TMEM200A: variants seen among roughly 807,000 people sequenced by gnomAD.
TMEM200A encodes the protein transmembrane protein 200A.
TMEM200A carries 12 observed loss-of-function variants against 24.3 expected under a neutral mutation model. That is an observed-to-expected ratio of 0.49 (90% CI 0.32 to 0.80). TMEM200A has a LOEUF of 0.80. Among genes scored for constraint, TMEM200A ranks in the 30% least tolerant of loss-of-function variants. The pLI, the probability that TMEM200A is intolerant of heterozygous loss-of-function variation, is 0.04. For synonymous variants in TMEM200A, 224 were observed against 224.4 expected (o/e 1.00, Z 0.02); for missense variants, 545 against 614.4 (o/e 0.89, Z 1.19).
intron 2 of TMEM200A, among the ~76,000 whole-genome samples, chr6:130,391,204 G>A (rs561739248): frequency 6.6e-6 from 1 of 152,274 alleles, no homozygotes; most frequent in African/African-American, 2.4e-5. Flanking sequence ...AATAAATGTG[G>A]AAAGAGAAAA....
At chr6:130,374,655 C>A (rs1232269921) in intron 1 of TMEM200A, among the ~76,000 whole-genome samples, 1 of 152,052 alleles carries the variant, frequency 6.6e-6, no homozygotes, top group African/African-American at 2.4e-5. Flanking sequence ...AACTCCTGAC[C>A]TCAGGTAATC....
chr6:130,422,368 A>G (rs752596732), intron 2 of TMEM200A, among the ~76,000 whole-genome samples: 34 of 152,144 alleles, frequency 2.2e-4, no homozygotes, highest in Non-Finnish European at 3.7e-4. Context: ...TCCGGGGTTC[A>G]AGTGATTCTA....
In TMEM200A at chr6:130,440,476, C is replaced by T. The variant is rs139871677; in HGVS notation, c.54C>T (p.Asp18=). ...GCCTGGCCGCCTTGAAAAGGCAAGA[C>T]TCTGCCAGATCACAGCAGCATGTCA... ...ITGLAALKRQ[D]SARSQQHVNL... is the part of the protein sequence containing the mutation. Residue 18 remains aspartate (D), a synonymous_variant, in exon 3 of 3, where the codon GAC becomes GAT. Transcript: ENST00000296978. The T allele has an allele frequency of 8.1e-6, 13 of 1,611,740 alleles. No homozygotes were observed. The highest frequency in any genetic ancestry group is 1.3e-5 in the African/African-American group (1 of 74,784).
intron 2 of TMEM200A, among the ~76,000 whole-genome samples, chr6:130,432,542 C>T (rs1283267737): frequency 6.6e-6 from 1 of 152,192 alleles, no homozygotes; most frequent in Non-Finnish European, 1.5e-5. Flanking sequence ...AACAAACTTG[C>T]AGTCATAACT....
chr6:130,423,509 G>A (rs1779653281), intron 2 of TMEM200A, among the ~76,000 whole-genome samples: 1 of 152,040 alleles, frequency 6.6e-6, no homozygotes, highest in Non-Finnish European at 1.5e-5. Context: ...AAAAGTACAT[G>A]TTGCCGAATT....
At chr6:130,394,427 G>T (rs910114524) in intron 2 of TMEM200A, among the ~76,000 whole-genome samples, 17 of 152,256 alleles carry the variant, frequency 1.1e-4, no homozygotes, top group African/African-American at 4.1e-4. Context: ...GAGTGGCAGG[G>T]GTGGCAGAGC....
intron 1 of TMEM200A, among the ~76,000 whole-genome samples, chr6:130,368,775 T>C (rs1363226871): frequency 6.6e-6 from 1 of 152,182 alleles, no homozygotes; most frequent in Non-Finnish European, 1.5e-5. Flanking sequence ...CAGTGCAGAC[T>C]GGGAAGCAGC....
At chr6:130,400,115 C>A (rs550409050) in intron 2 of TMEM200A, among the ~76,000 whole-genome samples, 2 of 151,818 alleles carry the variant, frequency 1.3e-5, no homozygotes, top group African/African-American at 4.8e-5. Context: ...TATACACACA[C>A]ACACACACCA....
chr6:130,394,422 G>T (rs1235416707), intron 2 of TMEM200A, among the ~76,000 whole-genome samples: 1 of 152,178 alleles, frequency 6.6e-6, no homozygotes, highest in South Asian at 2.1e-4. Context: ...ACTCAGAGTG[G>T]CAGGGGTGGC....
At chr6:130,393,387 G>A (rs1778881230) in intron 2 of TMEM200A, among the ~76,000 whole-genome samples, 1 of 152,118 alleles carries the variant, frequency 6.6e-6, no homozygotes, top group East Asian at 1.9e-4. Flanking sequence ...TATGGCAATA[G>A]AAAATGAAGT....
chr6:130,437,508 G>C (rs1240126989), intron 2 of TMEM200A: 1 of 152,126 alleles, frequency 6.6e-6, no homozygotes, highest in Non-Finnish European at 1.5e-5. Context: ...GCCTTCTGTA[G>C]TATTGAATTG....
chr6:130,441,554 G>T lies in TMEM200A; in HGVS notation c.1132G>T (p.Ala378Ser). ...GAGQLLSPGA[A>S]RRQFGSNTSL... ...TGGACAGCTCTTGTCTCCTGGGGCT[G>T]CCAGAAGACAGTTTGGGTCCAATAC... is the stretch of plus-strand genomic sequence containing the variant. Residue 378 changes from alanine (A) to serine (S), a missense_variant, in exon 3 of 3, where the codon GCC becomes TCC. Physicochemically the swap from Ala to Ser is moderately conservative, Grantham distance 99 (BLOSUM62 1). Transcript: ENST00000296978. 1 of 1,613,998 alleles carries T rather than the reference G, an allele frequency of 6.2e-7. No homozygotes were observed.
intron 2 of TMEM200A, among the ~76,000 whole-genome samples, chr6:130,421,886 A>AATG (rs1405886094): frequency 6.6e-6 from 1 of 152,096 alleles, no homozygotes; most frequent in Non-Finnish European, 1.5e-5. Flanking sequence ...AAAGCTAAGT[A>AATG]ATGTTTTATT....
upstream of TMEM200A, chr6:130,365,760 AT>A: frequency 1.0e-6 from 1 of 985,460 alleles, no homozygotes; most frequent in Non-Finnish European, 1.2e-6. Context: ...TCTGCGGGTG[AT>A]TTGGGCTCTC....
chr6:130,405,410 T>G lies in TMEM200A; in HGVS notation c.-17+20174T>G, dbSNP rs184479839. ...GTATTCCTGGGTATTTTATTTTTTT[T>G]TGTGGCAACTATGAATGGAAATTCA... On this transcript the variant is annotated intron_variant, in intron 2 of 2. Coordinates refer to ENST00000296978, the MANE Select transcript of TMEM200A (RefSeq NM_001258277.2). 1.2e-4 allele frequency among the ~76,000 whole-genome samples: 18 copies of G among 152,312 alleles called. No individual in the cohort carries two copies. The East Asian group carries it at 2.1e-3, about 18-fold the overall frequency.
chr6:130,386,588 G>A (rs990671583), intron 2 of TMEM200A, among the ~76,000 whole-genome samples: 22 of 152,280 alleles, frequency 1.4e-4, no homozygotes, highest in Admixed American at 1.4e-3. Context: ...CCACATGGAT[G>A]CAAAATTGTT....
intron 1 of TMEM200A, among the ~76,000 whole-genome samples, chr6:130,376,520 C>G (rs1400355122): frequency 6.6e-6 from 1 of 152,124 alleles, no homozygotes; most frequent in African/African-American, 2.4e-5. Context: ...TGATCTCACA[C>G]AATCCATCTG....
intron 1 of TMEM200A, among the ~76,000 whole-genome samples, chr6:130,380,351 G>A (rs1483796113): frequency 6.6e-6 from 1 of 152,094 alleles, no homozygotes; most frequent in Non-Finnish European, 1.5e-5. Context: ...GCATCTGCAG[G>A]CTTACTGCTA....
In TMEM200A at chr6:130,441,278, A is replaced by G. The variant is rs1341351281; in HGVS notation, c.856A>G (p.Ser286Gly). ...CAAGTCAATTGTGTCATCGTCCATC[A>G]GTGCTTTTACATTGCCTGTGATCAA... ...ETKSIVSSSISAFTLPVIKLN... is the reference protein window; with the variant it reads ...ETKSIVSSSIGAFTLPVIKLN... The change falls in exon 3 of 3, where the codon AGT (serine) becomes GGT (glycine). Residue 286 changes from serine (S) to glycine (G), a missense_variant. Physicochemically the swap from Ser to Gly is moderately conservative, Grantham distance 56 (BLOSUM62 0). Coordinates refer to ENST00000296978, the MANE Select transcript of TMEM200A (RefSeq NM_001258277.2). 6.2e-7 allele frequency: 1 copy of G among 1,614,156 alleles called. No individual in the cohort carries two copies. The highest frequency in any genetic ancestry group is 8.5e-7 in the Non-Finnish European group (1 of 1,179,998).
Sources: gnomAD v4.1 joint callset for allele counts (sites outside exome capture counted in the v4.1 genomes callset) on GRCh38, gnomAD v4.1.1 for gene constraint, MANE v1.5 for transcripts, NCBI Gene and HGNC (gene_info 2026-07-23, HGNC 2026-07-21) for gene names.